Variants in MRPL4 observed in about 807,000 individuals in gnomAD.
The protein encoded by MRPL4 is mitochondrial ribosomal protein L4, also known as large ribosomal subunit protein uL4m.
MRPL4 carries 34 observed loss-of-function variants against 34.1 expected under a neutral mutation model. The observed-to-expected ratio is 1.00, with a 90% CI of 0.76 to 1.33. The LOEUF is 1.33. MRPL4 is among the 40% of genes most tolerant of loss of function. The probability of loss-of-function intolerance (pLI) is 0.00; values close to 1 mark genes in which losing one functional copy is unlikely to be tolerated. For missense variants in MRPL4, 402 were observed against 434.6 expected (o/e 0.92, Z 0.67); for synonymous variants, 196 against 188.3 (o/e 1.04, Z -0.33).
rs534010817 is a variant in MRPL4, at chr19:10,254,891, G to A, written c.327+251G>A. 54 of 297,340 alleles carry A rather than the reference G, an allele frequency of 1.8e-4. 1 individual carries two copies. Among genetic ancestry groups the A allele is most frequent in the South Asian group, 1.3e-3 (28 of 22,274 alleles). 18.4% of individuals were successfully genotyped at this position (297,340 alleles called of 1,614,324 possible). On this transcript the variant is annotated intron_variant, in intron 4 of 8. Coordinates refer to ENST00000253099, the MANE Select transcript of MRPL4 (RefSeq NM_015956.3). Reference sequence around the variant, plus strand: ...GCAATCTTGGTTCACTGCAACCTCCGCTTCCTGGGTTCAAGCGATTCTCCT... The same window carrying A: ...GCAATCTTGGTTCACTGCAACCTCCACTTCCTGGGTTCAAGCGATTCTCCT...
chr19:10,256,308 T>C (rs531554283), intron 4 of MRPL4, among the ~76,000 whole-genome samples: 1 of 151,576 alleles, frequency 6.6e-6, no homozygotes, highest in Admixed American at 6.6e-5. Flanking sequence ...TAGCCGGGCA[T>C]GGTGACAGGC....
chr19:10,258,824 A>G, intron 8 of MRPL4, 139 bp downstream of exon 8: 1 of 1,592,888 alleles, frequency 6.3e-7, no homozygotes, highest in Non-Finnish European at 8.5e-7. Flanking sequence ...CAGCTTGCCC[A>G]AAGCAATAAT....
intron 5 of MRPL4, 115 bp from the exon 6 acceptor site, chr19:10,258,106 GC>G: frequency 1.4e-6 from 1 of 701,124 alleles, no homozygotes; most frequent in Non-Finnish European, 2.4e-6. Flanking sequence ...CACCCTCTCT[GC>G]CTTGTTCCTG....
intron 3 of MRPL4, among the ~76,000 whole-genome samples, chr19:10,254,052 CTT>C (rs889128255): frequency 9.2e-5 from 14 of 152,116 alleles, no homozygotes; most frequent in Non-Finnish European, 1.6e-4. Flanking sequence ...AAGTTTCGCT[CTT>C]GTCGCCCAGG....
rs773701639 is a variant in MRPL4 at position 10,258,667 on chromosome 19, A to G, written c.721A>G (p.Asn241Asp). The G allele has an allele frequency of 6.2e-6, 10 of 1,614,114 alleles. No individual in the cohort carries two copies. The highest frequency in any genetic ancestry group is 8.5e-6 in the Non-Finnish European group (10 of 1,180,024). ...GGCCACCTCTAGGCTTAAGACCTTC[A>G]ACTTGATCCCGGCTGTTGGTGAGCA... ...VEATSRLKTF[N>D]LIPAVGLNVH... Residue 241 changes from asparagine (N) to aspartate (D), a missense_variant, in exon 8 of 9, where the codon AAC becomes GAC. Transcript: ENST00000253099.
At position 10,256,700 on chromosome 19, in the gene MRPL4, G is replaced by A; in HGVS notation, c.328-8G>A. The A allele has an allele frequency of 6.2e-7, 1 of 1,610,548 alleles. No homozygotes were observed. The highest frequency in any genetic ancestry group is 2.3e-5 in the East Asian group (1 of 44,260). On this transcript the variant is annotated splice_region_variant and splice_polypyrimidine_tract_variant and intron_variant, in intron 4 of 8. Transcript: ENST00000253099. ...TGGACCTGACCCCCCTCCTCTTTGTGCCTCCAGAGCTATGCCAAGACCAAG... is the reference window on the plus strand; with the variant it reads ...TGGACCTGACCCCCCTCCTCTTTGTACCTCCAGAGCTATGCCAAGACCAAG...
At chr19:10,257,714 C>T (rs1040091741) in intron 5 of MRPL4, among the ~76,000 whole-genome samples, 8 of 151,918 alleles carry the variant, frequency 5.3e-5, no homozygotes, top group African/African-American at 1.2e-4. Context: ...CCTGAAAGTT[C>T]GAACCTCCTG....
In MRPL4 at chr19:10,252,227, T is replaced by TGGAG. The variant is rs747103039; in HGVS notation, c.-27_-26insGGAG. The TGGAG allele has an allele frequency of 6.3e-7, 1 of 1,582,896 alleles. No individual in the cohort carries two copies. The highest frequency in any genetic ancestry group is 1.1e-5 in the South Asian group (1 of 89,416). ...TCGCGAGGCTCCAGTGGCCTTGACC[T>TGGAG]CCCGCGGCGTGGGAGGCTGCGCGGC... On this transcript the variant is annotated 5_prime_UTR_variant, in exon 1 of 9. Transcript: ENST00000253099.
intron 5 of MRPL4, among the ~76,000 whole-genome samples, chr19:10,257,691 C>T (rs1009165266): frequency 6.6e-6 from 1 of 151,982 alleles, no homozygotes; most frequent in Non-Finnish European, 1.5e-5. Flanking sequence ...TGATGCCTTC[C>T]TCTCCCGCTT....
chr19:10,256,750 G>A lies in MRPL4; in HGVS notation c.370G>A (p.Gly124Ser). The change falls in exon 5 of 9, where the codon GGC (glycine) becomes AGC (serine). Residue 124 changes from glycine (G) to serine (S), a missense_variant. Physicochemically the swap from Gly to Ser is moderately conservative, Grantham distance 56. Coordinates refer to ENST00000253099, the MANE Select transcript of MRPL4 (RefSeq NM_015956.3). ...TKTRAEVRGG[G>S]RKPWPQKGTG... ...GACGAGAGCCGAGGTGCGGGGCGGT[G>A]GCCGGAAGCCTTGGCCGCAGAAAGG... 2.5e-6 allele frequency: 4 copies of A among 1,602,950 alleles called. No individual in the cohort carries two copies. The highest frequency in any genetic ancestry group is 1.7e-4 in the Middle Eastern group (1 of 6,020).
At chr19:10,258,190 C>T in intron 5 of MRPL4, 32 bp from the exon 6 acceptor site, 1 of 1,508,788 alleles carries the variant, frequency 6.6e-7, no homozygotes, top group South Asian at 1.1e-5. Context: ...CTGCAGTGGC[C>T]CCTACCTGCT....
At chr19:10,254,506 A>C (rs2039830296) in intron 3 of MRPL4, 83 bp from the exon 4 acceptor site, 1 of 1,533,816 alleles carries the variant, frequency 6.5e-7, no homozygotes, top group African/African-American at 1.4e-5. Context: ...TGGAGGCAGA[A>C]GGGAGAATCC....
Position 10,258,398 on chromosome 19 carries a change from C to T in MRPL4, c.553-15C>T. On this transcript the variant is annotated splice_polypyrimidine_tract_variant and intron_variant, in intron 6 of 8. Coordinates refer to ENST00000253099, the MANE Select transcript of MRPL4 (RefSeq NM_015956.3). ...CTCTGGACCCAGGGTTCAAACCATC[C>T]TTTCCTTCCACCAGGACGACCTGCA... 2 of 1,614,026 alleles carry T rather than the reference C, an allele frequency of 1.2e-6. No individual in the cohort carries two copies. The highest frequency in any genetic ancestry group is 8.5e-7 in the Non-Finnish European group (1 of 1,179,952).
At position 10,252,231 on chromosome 19, in the gene MRPL4, G is replaced by C. The variant is rs767248666; in HGVS notation, c.-23G>C. ...GAGGCTCCAGTGGCCTTGACCTCCC[G>C]CGGCGTGGGAGGCTGCGCGGCGATG... is the stretch of plus-strand genomic sequence containing the variant. On this transcript the variant is annotated 5_prime_UTR_variant, in exon 1 of 9. Coordinates refer to ENST00000253099, the MANE Select transcript of MRPL4 (RefSeq NM_015956.3). 10 of 1,587,068 alleles carry C rather than the reference G, an allele frequency of 6.3e-6. No homozygotes were observed. The highest frequency in any genetic ancestry group is 7.7e-6 in the Non-Finnish European group (9 of 1,169,676).
chr19:10,253,542 G>C (rs937535979), intron 3 of MRPL4, among the ~76,000 whole-genome samples: 3 of 150,860 alleles, frequency 2.0e-5, no homozygotes, highest in African/African-American at 7.3e-5. Context: ...TGTAATCCCA[G>C]CACATTGGGA....
chr19:10,252,432 G>T lies in MRPL4; in HGVS notation c.93G>T (p.Ala31=). Residue 31 remains alanine, a synonymous_variant, in exon 2 of 9, where the codon GCG becomes GCT. Coordinates refer to ENST00000253099, the MANE Select transcript of MRPL4 (RefSeq NM_015956.3). ...CCCTGGCGGAAGAGGCAGCGCGTGC[G>T]ACCGAGAACCCGGAGCAGGTGGCGA... The part of the protein sequence containing the change: ...LSSLAEEAAR[A]TENPEQVASE... 1 of 1,614,046 alleles carries T rather than the reference G, an allele frequency of 6.2e-7. No homozygotes were observed. Among genetic ancestry groups the T allele is most frequent in the Non-Finnish European group, 8.5e-7 (1 of 1,179,980 alleles).
At chr19:10,254,180 A>C (rs1193354372) in intron 3 of MRPL4, among the ~76,000 whole-genome samples, 3 of 152,044 alleles carry the variant, frequency 2.0e-5, no homozygotes, top group African/African-American at 7.2e-5. Context: ...CACCGTGCCC[A>C]GCTAATCTTT....
intron 8 of MRPL4, 115 bp from the exon 9 acceptor site, chr19:10,259,502 A>G: frequency 6.7e-7 from 1 of 1,494,804 alleles, no homozygotes; most frequent in South Asian, 1.3e-5. Context: ...ACAAAGTCAC[A>G]CTAGACCACA....
chr19:10,254,702 C>A, intron 4 of MRPL4, 62 bp downstream of exon 4: 1 of 1,582,106 alleles, frequency 6.3e-7, no homozygotes, highest in Non-Finnish European at 8.7e-7. Context: ...GGGGATAGGA[C>A]CCAGAGGAAG....
Sources: gnomAD v4.1 joint callset for allele counts (sites outside exome capture counted in the v4.1 genomes callset) on GRCh38, gnomAD v4.1.1 for gene constraint, MANE v1.5 for transcripts, NCBI Gene and HGNC (gene_info 2026-07-23, HGNC 2026-07-21) for gene names.